FYB1: variants seen among roughly 807,000 people sequenced by gnomAD.
The protein encoded by FYB1 is FYN-binding protein 1.
Under a neutral mutation model 94.1 loss-of-function variants are expected in FYB1, and 41 were observed. That is an observed-to-expected ratio of 0.44 (90% confidence interval 0.34 to 0.57). The LOEUF is 0.57. Ranked by LOEUF, FYB1 falls within the 20% of genes least tolerant of loss-of-function variation. FYB1 has a pLI of 0.02. For missense variants in FYB1, 1,050 were observed against 976.8 expected (o/e 1.07, Z -1.00); for synonymous variants, 367 against 353.2 (o/e 1.04, Z -0.44).
chr5:39,196,599 T>C (rs1747861093), intron 2 of FYB1, among the ~76,000 whole-genome samples: 1 of 152,230 alleles, frequency 6.6e-6, no homozygotes, highest in African/African-American at 2.4e-5. Context: ...GGCTTCTGTC[T>C]TCATGGAGCT....
chr5:39,222,757 T>G (rs1333703449), upstream of FYB1, among the ~76,000 whole-genome samples: 1 of 152,202 alleles, frequency 6.6e-6, no homozygotes, highest in African/African-American at 2.4e-5. Context: ...GCTTTTCTTA[T>G]TATTACATAA....
At chr5:39,135,669 G>A (rs573531082) in intron 7 of FYB1, among the ~76,000 whole-genome samples, 4 of 152,190 alleles carry the variant, frequency 2.6e-5, no homozygotes, top group African/African-American at 4.8e-5. Flanking sequence ...TATGCATGAC[G>A]ACTTTTGAAG....
At position 39,237,514 on chromosome 5, in the gene FYB1, TACTC is replaced by T. The variant is rs568235367; in HGVS notation, c.-27-34531_-27-34528del. Among the ~76,000 whole-genome samples the T allele has an allele frequency of 1.6e-4, 24 of 152,192 alleles. No homozygotes were observed. In the East Asian group the frequency reaches 4.2e-3, roughly 27 times the overall value. ...CAAGATGCAAATAGAATTTTTTGCT[TACTC>T]AATCAATAAGATATCATCATTTCTT... On this transcript the variant is annotated intron_variant, in intron 1 of 1. Coordinates refer to the FYB1 transcript ENST00000510188.
At chr5:39,157,874 A>T (rs975562085) in intron 2 of FYB1, among the ~76,000 whole-genome samples, 2 of 152,212 alleles carry the variant, frequency 1.3e-5, no homozygotes, top group African/African-American at 4.8e-5. Context: ...ATGGTTCAGC[A>T]GCAATGAGCT....
At chr5:39,130,643 A>C in intron 9 of FYB1, 31 bp from the exon 10 acceptor site, 1 of 1,522,440 alleles carries the variant, frequency 6.6e-7, no homozygotes, top group Non-Finnish European at 9.0e-7. Flanking sequence ...TATTAAGTTA[A>C]TCTATGAATT....
chr5:39,111,284 GC>G (rs1739056073), intron 16 of FYB1, among the ~76,000 whole-genome samples: 1 of 151,818 alleles, frequency 6.6e-6, no homozygotes, highest in South Asian at 2.1e-4. Context: ...ACCATTTATT[GC>G]TTCCTCAATA....
At chr5:39,240,945 A>G (rs1376906335) in intron 1 of FYB1, among the ~76,000 whole-genome samples, 1 of 152,212 alleles carries the variant, frequency 6.6e-6, no homozygotes, top group Non-Finnish European at 1.5e-5. Context: ...GGTAGACTGG[A>G]TAAGGAAAAT....
intron 1 of FYB1, among the ~76,000 whole-genome samples, chr5:39,230,444 G>T (rs1750670527): frequency 6.6e-6 from 1 of 152,096 alleles, no homozygotes; most frequent in Admixed American, 6.6e-5. Context: ...GAGGCTCATT[G>T]CAGACTTCTG....
chr5:39,110,675 C>T (rs1738987218), intron 16 of FYB1: 1 of 309,938 alleles, frequency 3.2e-6, no homozygotes, highest in Admixed American at 4.9e-5. Context: ...CATTAAGCTA[C>T]TGTAGGCTGT....
At chr5:39,271,545 G>A (rs263291) in intron 1 of FYB1, among the ~76,000 whole-genome samples, 124,297 of 152,204 alleles carry the variant, frequency 0.82, 52,834 homozygotes, top group Non-Finnish European at 0.93. Flanking sequence ...CTTATTTAGT[G>A]TAAGGTCACC....
At chr5:39,163,076 A>G (rs1426021599) in intron 2 of FYB1, among the ~76,000 whole-genome samples, 1 of 152,150 alleles carries the variant, frequency 6.6e-6, no homozygotes, top group African/African-American at 2.4e-5. Flanking sequence ...ATCATTAAAA[A>G]TTTTCAATCC....
At chr5:39,141,207 G>T in intron 3 of FYB1, 66 bp from the exon 4 acceptor site, 1 of 1,044,930 alleles carries the variant, frequency 9.6e-7, no homozygotes, top group South Asian at 1.4e-5. Context: ...AATGAAAAAG[G>T]GAAAAGGATT....
chr5:39,187,799 AT>A (rs909265143), intron 2 of FYB1, among the ~76,000 whole-genome samples: 4 of 150,510 alleles, frequency 2.7e-5, no homozygotes, highest in South Asian at 2.1e-4. Context: ...TAGTGCTTCC[AT>A]TTTTTTTCTT....
intron 1 of FYB1, among the ~76,000 whole-genome samples, chr5:39,214,380 C>T (rs1031618959): frequency 1.3e-5 from 2 of 152,162 alleles, no homozygotes; most frequent in African/African-American, 4.8e-5. Context: ...CCAACAATTC[C>T]ACTTCTGGTG....
chr5:39,170,296 T>C, intron 2 of FYB1: 1 of 1,393,760 alleles, frequency 7.2e-7, no homozygotes, highest in Non-Finnish European at 9.7e-7. Flanking sequence ...GTTTAAAAGA[T>C]CTTCTGTCTT....
chr5:39,271,115 A>G (rs1317264569), intron 1 of FYB1, among the ~76,000 whole-genome samples: 3 of 152,134 alleles, frequency 2.0e-5, no homozygotes, highest in Non-Finnish European at 4.4e-5. Context: ...TATAATCATT[A>G]TTAAAAAGAG....
At chr5:39,272,735 C>G (rs1752702078) in intron 1 of FYB1, among the ~76,000 whole-genome samples, 1 of 150,604 alleles carries the variant, frequency 6.6e-6, no homozygotes, top group South Asian at 2.1e-4. Context: ...CTCTCTATAC[C>G]AGTAAGTTGG....
intron 3 of FYB1, among the ~76,000 whole-genome samples, chr5:39,141,993 C>T (rs1742230806): frequency 6.6e-6 from 1 of 152,180 alleles, no homozygotes. Flanking sequence ...CCAATGGCTT[C>T]ACTCCAACTG....
In FYB1 at chr5:39,153,494, C is replaced by A; in HGVS notation, c.1246G>T (p.Val416Phe). The change falls in exon 3 of 19, where the codon GTC becomes TTC. Residue 416 changes from valine (V) to phenylalanine (F), a missense_variant. Transcript: ENST00000512982. The part of the protein sequence containing the change: ...LPASHPSQPP[V>F]PSLPPRNIKP... The stretch of plus-strand genomic sequence containing the variant: ...ATGTTTCTGGGAGGTAGGCTTGGGA[C>A]TGGTGGTTGTGATGGGTGAGATGCT... 1.2e-6 allele frequency: 2 copies of A among 1,613,828 alleles called. No individual in the cohort carries two copies. Among genetic ancestry groups the A allele is most frequent in the South Asian group, 2.2e-5 (2 of 91,076 alleles).
Sources: gnomAD v4.1 joint callset for allele counts (sites outside exome capture counted in the v4.1 genomes callset) on GRCh38, gnomAD v4.1.1 for gene constraint, MANE v1.5 for transcripts, NCBI Gene and HGNC (gene_info 2026-07-23, HGNC 2026-07-21) for gene names.